The following GORASP2 variants were observed in gnomAD, a reference collection of about 807,000 sequenced individuals.
GORASP2 encodes Golgi reassembly-stacking protein 2.
Under a neutral mutation model 45.7 loss-of-function variants are expected in GORASP2, and 22 were observed. The observed-to-expected ratio is 0.48, with a 90% CI of 0.34 to 0.69. GORASP2 has a LOEUF of 0.69. Among genes scored for constraint, GORASP2 ranks in the 30% least tolerant of loss-of-function variants. The pLI is 0.01. For missense variants in GORASP2, 491 were observed against 562.7 expected (o/e 0.87, Z 1.29); for synonymous variants, 221 against 215.6 (o/e 1.02, Z -0.22).
At chr2:170,950,020 A>G (rs940388269) in intron 3 of GORASP2, 184 bp from the exon 4 acceptor site, 17 of 528,962 alleles carry the variant, frequency 3.2e-5, no homozygotes, top group South Asian at 3.2e-5. Context: ...TATTTGTTAA[A>G]TATTATGTAA....
At chr2:170,929,859 G>T (rs951384522) in intron 1 of GORASP2, 1 of 448,840 alleles carries the variant, frequency 2.2e-6, no homozygotes, top group Non-Finnish European at 4.6e-6. Context: ...GGCCTGCGGC[G>T]GCAGGTGTTA....
At position 170,948,423 on chromosome 2, in the gene GORASP2, C is replaced by A; in HGVS notation, c.137C>A (p.Ser46Ter). 1 of 1,524,662 alleles carries A rather than the reference C, an allele frequency of 6.6e-7. No individual in the cohort carries two copies. Among genetic ancestry groups the A allele is most frequent in the Non-Finnish European group, 9.1e-7 (1 of 1,101,266 alleles). 94.4% of individuals were successfully genotyped at this position (1,524,662 alleles called of 1,614,324 possible). The change falls in exon 2 of 10, where the codon TCA becomes TAA. Residue 46 changes from serine to a stop codon, truncating the protein, a stop_gained. Transcript: ENST00000234160. LOFTEE classifies it high-confidence loss of function. ...GATTTTATTGTTTCTATTAATGGTT[C>A]AAGATTAGTAAGTTCAACTTTCTGT... ...FFDFIVSING[S>*]RLNKDNDTLK...
At chr2:170,964,212 G>A (rs777899771) in intron 9 of GORASP2, among the ~76,000 whole-genome samples, 16 of 152,164 alleles carry the variant, frequency 1.1e-4, no homozygotes, top group East Asian at 3.8e-4. Context: ...TTATAGGCCC[G>A]TCAGTGATGT....
chr2:170,939,978 T>C (rs779030644), intron 1 of GORASP2, among the ~76,000 whole-genome samples: 1 of 144,218 alleles, frequency 6.9e-6, no homozygotes, highest in East Asian at 2.2e-4. Flanking sequence ...CTCCACTGTT[T>C]TTAAAAGCAG....
intron 5 of GORASP2, chr2:170,954,380 C>T (rs1293051161): frequency 3.1e-6 from 1 of 323,266 alleles, no homozygotes; most frequent in East Asian, 5.6e-5. Flanking sequence ...GTGATGAATT[C>T]TTGAAAAATA....
intron 1 of GORASP2, chr2:170,929,801 C>T: frequency 2.1e-6 from 1 of 475,994 alleles, no homozygotes; most frequent in South Asian, 1.6e-5. Context: ...TGAAGGCAGC[C>T]TTTGCGCTTT....
At chr2:170,938,865 C>T (rs1004179534) in intron 1 of GORASP2, among the ~76,000 whole-genome samples, 2 of 152,036 alleles carry the variant, frequency 1.3e-5, no homozygotes, top group African/African-American at 2.4e-5. Flanking sequence ...TGGCAGTGGG[C>T]GCCTGTAATC....
intron 6 of GORASP2, among the ~76,000 whole-genome samples, chr2:170,955,894 C>A (rs1704414604): frequency 6.6e-6 from 1 of 152,210 alleles, no homozygotes; most frequent in Admixed American, 6.5e-5. Context: ...TCTGTAGAGT[C>A]CATAGAGACT....
At chr2:170,939,398 T>G (rs954022685) in intron 1 of GORASP2, among the ~76,000 whole-genome samples, 11 of 151,990 alleles carry the variant, frequency 7.2e-5, no homozygotes, top group African/African-American at 2.7e-4. Context: ...TACCACACAT[T>G]TGTGTCAAGA....
intron 1 of GORASP2, among the ~76,000 whole-genome samples, chr2:170,937,032 A>AC (rs1306811649): frequency 1.1e-4 from 16 of 151,814 alleles, no homozygotes; most frequent in African/African-American, 3.4e-4. Flanking sequence ...ACATGGTGAA[A>AC]CCCCCTCTCT....
chr2:170,954,575 C>T, intron 5 of GORASP2, 75 bp from the exon 6 acceptor site: 3 of 1,261,142 alleles, frequency 2.4e-6, no homozygotes, highest in Non-Finnish European at 3.4e-6. Flanking sequence ...GGTTACCCGC[C>T]CCCCCCAAAA....
At chr2:170,963,101 AGAGGATCACG>A (rs1704603166) in intron 9 of GORASP2, among the ~76,000 whole-genome samples, 155 bp downstream of exon 9, 1 of 152,202 alleles carries the variant, frequency 6.6e-6, no homozygotes, top group African/African-American at 2.4e-5. Flanking sequence ...AAAAAGCTTA[AGAGGATCACG>A]CCTGTAATCC....
At position 170,929,291 on chromosome 2, in the gene GORASP2, G is replaced by T; in HGVS notation, c.-50G>T. On this transcript the variant is annotated 5_prime_UTR_variant, in exon 1 of 10. Transcript: ENST00000234160. ...AGGATTAGAGCAGGCGGTGCGCTGG[G>T]GGCGGGAGCAGCGCGGAGCCCGGCT... 1 of 1,304,296 alleles carries T rather than the reference G, an allele frequency of 7.7e-7. No individual in the cohort carries two copies. 80.8% of individuals were successfully genotyped at this position (1,304,296 alleles called of 1,614,324 possible).
Position 170,962,976 on chromosome 2 carries a change from T to C in GORASP2, c.1018+30T>C, listed in dbSNP as rs142944015. 33 of 1,424,120 alleles carry C rather than the reference T, an allele frequency of 2.3e-5. No homozygotes were observed. The African/African-American group carries it at 4.2e-4, about 18-fold the overall frequency. 88.2% of individuals were successfully genotyped at this position (1,424,120 alleles called of 1,614,324 possible). A position where few individuals can be genotyped will look rare whatever the true frequency, so the allele number is the denominator to read the frequency against. On this transcript the variant is annotated intron_variant, in intron 9 of 9. Coordinates refer to ENST00000234160, the MANE Select transcript of GORASP2 (RefSeq NM_015530.5). ...GTTGCAGATCTCACCCTCCTAGGAC[T>C]CTCTCTAATAAAAGTTTTATTCAGG... is the stretch of plus-strand genomic sequence containing the variant.
At chr2:170,960,204 G>T (rs1325241806) in intron 7 of GORASP2, among the ~76,000 whole-genome samples, 1 of 152,032 alleles carries the variant, frequency 6.6e-6, no homozygotes, top group African/African-American at 2.4e-5. Flanking sequence ...TTTCCTAAAG[G>T]TTCTGATTTC....
At chr2:170,951,672 T>C in intron 5 of GORASP2, 1 of 310,538 alleles carries the variant, frequency 3.2e-6, no homozygotes. Context: ...TTTTCTTTAC[T>C]AACCTAAGAG....
Position 170,929,384 on chromosome 2 carries a change from AG to A in GORASP2, c.47del (p.Gly16AlafsTer33), listed in dbSNP as rs779495245. The A allele has an allele frequency of 7.0e-7, 1 of 1,418,468 alleles. No homozygotes were observed. 87.9% of individuals were successfully genotyped at this position (1,418,468 alleles called of 1,614,324 possible). A position where few individuals can be genotyped will look rare whatever the true frequency, so the allele number is the denominator to read the frequency against. On this transcript the variant is annotated frameshift_variant, in exon 1 of 10. Transcript: ENST00000234160. LOFTEE classifies it high-confidence loss of function. Reference protein sequence around the residue: ...QSVEIPGGGTEGYHVLRVQEN... With the variant: ...QSVEIPGGGTXGYHVLRVQEN... ...GTCGAGATCCCGGGCGGGGGCACCG[AG>A]GGCTACCACGTTCTGCGGGTAAGGG...
chr2:170,932,587 T>C (rs1440462928), intron 1 of GORASP2, among the ~76,000 whole-genome samples: 6 of 152,270 alleles, frequency 3.9e-5, no homozygotes, highest in Non-Finnish European at 7.3e-5. Context: ...TGTTGATCTT[T>C]ATTTTAGTAA....
chr2:170,929,437 G>C (rs751433772), intron 1 of GORASP2, 34 bp downstream of exon 1: 2 of 1,340,862 alleles, frequency 1.5e-6, no homozygotes, highest in African/African-American at 1.5e-5. Flanking sequence ...GGAGCTGCGG[G>C]CTGGAGGCGG....
Sources: allele counts gnomAD v4.1 joint callset (sites outside exome capture counted in the v4.1 genomes callset), GRCh38; gene constraint gnomAD v4.1.1; transcripts MANE v1.5; gene names NCBI Gene and HGNC (gene_info 2026-07-23, HGNC 2026-07-21).